The following INTS9 variants were observed in gnomAD, a reference collection of about 807,000 sequenced individuals.
INTS9 encodes the protein integrator complex subunit 9, also known as protein related to CPSF subunits of 74 kDa.
A neutral mutation model predicts 79.7 loss-of-function variants in INTS9; 55 were observed. That is an observed-to-expected ratio of 0.69 (90% confidence interval 0.56 to 0.86). The LOEUF (loss-of-function observed/expected upper bound fraction) is 0.86. Among genes scored for constraint, INTS9 ranks in the 40% least tolerant of loss-of-function variants. INTS9 has a pLI of 0.00. For missense variants in INTS9, 721 were observed against 831.5 expected, an observed-to-expected ratio of 0.87 and a Z score of 1.64; for synonymous variants, 319 against 325.2, an observed-to-expected ratio of 0.98 and a Z score of 0.20.
chr8:28,801,434 G>A (rs1018052591), intron 8 of INTS9, among the ~76,000 whole-genome samples: 10 of 151,554 alleles, frequency 6.6e-5, no homozygotes, highest in African/African-American at 2.4e-4. Flanking sequence ...AAGCTGCAGT[G>A]AACTGAGATC....
intron 1 of INTS9, among the ~76,000 whole-genome samples, chr8:28,877,771 T>C (rs187735816): frequency 6.6e-6 from 1 of 152,348 alleles, no homozygotes; most frequent in African/African-American, 2.4e-5. Flanking sequence ...TTCATAATTA[T>C]GTTTTAAATC....
intron 6 of INTS9, among the ~76,000 whole-genome samples, chr8:28,828,691 T>C (rs1442324460): frequency 1.3e-5 from 2 of 152,002 alleles, no homozygotes; most frequent in African/African-American, 4.8e-5. Flanking sequence ...TGAACATGCA[T>C]GGTTTTAAGT....
At chr8:28,857,254 T>G (rs569258698) in intron 2 of INTS9, among the ~76,000 whole-genome samples, 9 of 152,238 alleles carry the variant, frequency 5.9e-5, no homozygotes, top group African/African-American at 2.2e-4. Flanking sequence ...GATGGCCAAT[T>G]AGAGGAAAAC....
chr8:28,877,465 A>G (rs2131360827), intron 1 of INTS9, among the ~76,000 whole-genome samples: 1 of 152,324 alleles, frequency 6.6e-6, no homozygotes, highest in South Asian at 2.1e-4. Flanking sequence ...TGGCAACTGC[A>G]ATTTGATAAA....
chr8:28,840,601 A>G (rs1585450137), intron 4 of INTS9, among the ~76,000 whole-genome samples: 1 of 140,512 alleles, frequency 7.1e-6, no homozygotes, highest in Middle Eastern at 3.5e-3. Flanking sequence ...ACCATGGAAT[A>G]CTATGCAGCC....
At chr8:28,778,453 G>C (rs550707475) in intron 12 of INTS9, among the ~76,000 whole-genome samples, 1 of 152,256 alleles carries the variant, frequency 6.6e-6, no homozygotes, top group East Asian at 1.9e-4. Context: ...GTACAGACCC[G>C]GGAACCTAGA....
intron 10 of INTS9, among the ~76,000 whole-genome samples, chr8:28,790,429 G>C (rs553557830): frequency 6.6e-6 from 1 of 152,312 alleles, no homozygotes; most frequent in African/African-American, 2.4e-5. Flanking sequence ...CCAGGCTCAA[G>C]AAATCCTCTT....
At chr8:28,887,182 C>A (rs1025749839) in intron 1 of INTS9, among the ~76,000 whole-genome samples, 4 of 152,044 alleles carry the variant, frequency 2.6e-5, no homozygotes, top group Non-Finnish European at 5.9e-5. Flanking sequence ...AGAAATTAGC[C>A]AGGCAAAAAA....
intron 2 of INTS9, among the ~76,000 whole-genome samples, chr8:28,858,048 G>C (rs1053100909): frequency 2.0e-5 from 3 of 152,130 alleles, no homozygotes; most frequent in African/African-American, 7.2e-5. Context: ...GAGAACAGTA[G>C]AACTGGGTAA....
chr8:28,804,748 G>A (rs891845185), intron 8 of INTS9, among the ~76,000 whole-genome samples: 14 of 152,208 alleles, frequency 9.2e-5, no homozygotes, highest in African/African-American at 1.7e-4. Flanking sequence ...GTGAACCAGA[G>A]AGTAGGAATA....
chr8:28,837,825 A>C (rs768737569), intron 4 of INTS9, 49 bp from the exon 5 acceptor site: 2 of 1,531,884 alleles, frequency 1.3e-6, no homozygotes, highest in Non-Finnish European at 1.8e-6. Flanking sequence ...GGATCGATCA[A>C]TATGATGTGA....
intron 16 of INTS9, among the ~76,000 whole-genome samples, chr8:28,769,163 A>C (rs1024095524): frequency 8.5e-5 from 13 of 152,230 alleles, no homozygotes; most frequent in Non-Finnish European, 1.8e-4. Context: ...GGAAAGGGAA[A>C]GCCTTTAAGA....
intron 1 of INTS9, among the ~76,000 whole-genome samples, chr8:28,879,546 T>C (rs1809581536): frequency 6.6e-6 from 1 of 152,182 alleles, no homozygotes; most frequent in African/African-American, 2.4e-5. Context: ...TATTCAACAC[T>C]GTACTGGAGG....
chr8:28,811,464 C>T (rs1309748013), intron 8 of INTS9, among the ~76,000 whole-genome samples: 2 of 151,630 alleles, frequency 1.3e-5, no homozygotes, highest in African/African-American at 2.4e-5. Context: ...CTCTGTTACC[C>T]GCACTGGAGT....
intron 1 of INTS9, among the ~76,000 whole-genome samples, chr8:28,879,753 T>C (rs151187194): frequency 1.4e-4 from 21 of 152,254 alleles, no homozygotes; most frequent in African/African-American, 4.8e-4. Flanking sequence ...ACAACTGATA[T>C]ATGCTACCAC....
intron 12 of INTS9, among the ~76,000 whole-genome samples, chr8:28,779,516 A>G (rs1803113872): frequency 6.6e-6 from 1 of 152,138 alleles, no homozygotes; most frequent in African/African-American, 2.4e-5. Flanking sequence ...AACTTTCCTG[A>G]CCACAGCATA....
At chr8:28,805,586 C>T (rs926981122) in intron 8 of INTS9, among the ~76,000 whole-genome samples, 9 of 152,184 alleles carry the variant, frequency 5.9e-5, no homozygotes, top group African/African-American at 1.7e-4. Flanking sequence ...ATGTTCTAAA[C>T]GACCCAGAAC....
At chr8:28,803,187 T>A (rs1272341643) in intron 8 of INTS9, among the ~76,000 whole-genome samples, 1 of 152,158 alleles carries the variant, frequency 6.6e-6, no homozygotes, top group East Asian at 1.9e-4. Context: ...TGCTATACTA[T>A]GCTGGGGAAT....
intron 10 of INTS9, among the ~76,000 whole-genome samples, chr8:28,792,468 A>C (rs1299171237): frequency 1.3e-5 from 2 of 152,096 alleles, no homozygotes; most frequent in East Asian, 3.8e-4. Context: ...AGTATAAAAA[A>C]CTAAAAAAAA....
Sources: gnomAD v4.1 joint callset for allele counts (sites outside exome capture counted in the v4.1 genomes callset) on GRCh38, gnomAD v4.1.1 for gene constraint, MANE v1.5 for transcripts, NCBI Gene and HGNC (gene_info 2026-07-23, HGNC 2026-07-21) for gene names.